The following CSMD1 variants were observed in gnomAD, a reference collection of about 807,000 sequenced individuals.
CSMD1 encodes CUB and Sushi multiple domains 1, also known as CUB and sushi domain-containing protein 1.
Under a neutral mutation model 417.5 loss-of-function variants are expected in CSMD1, and 213 were observed. That is an observed-to-expected ratio of 0.51 (90% CI 0.46 to 0.57). CSMD1 has a LOEUF of 0.57. Among genes scored for constraint, CSMD1 ranks in the 20% least tolerant of loss-of-function variants. The pLI, the probability that CSMD1 is intolerant of heterozygous loss-of-function variation, is 0.00. For missense variants in CSMD1, 6,923 were observed against 4,529.7 expected (o/e 1.53, Z -15.17); for synonymous variants, 2,862 against 1,736.8 (o/e 1.65, Z -16.11).
intron 5 of CSMD1, among the ~76,000 whole-genome samples, chr8:3,765,818 T>C (rs912303602): frequency 3.3e-5 from 5 of 152,074 alleles, no homozygotes; most frequent in Non-Finnish European, 5.9e-5. Flanking sequence ...GTCTCAGGAA[T>C]CCAGTGGGGA....
chr8:4,593,254 A>C (rs1013144799), intron 2 of CSMD1, among the ~76,000 whole-genome samples: 1 of 152,216 alleles, frequency 6.6e-6, no homozygotes, highest in African/African-American at 2.4e-5. Flanking sequence ...TTCCGCAGGA[A>C]CATGAGCGTT....
At chr8:4,274,906 G>T (rs1796389400) in intron 3 of CSMD1, among the ~76,000 whole-genome samples, 1 of 152,124 alleles carries the variant, frequency 6.6e-6, no homozygotes, top group African/African-American at 2.4e-5. Context: ...TATTCCAGAA[G>T]GAAATGTTGT....
intron 10 of CSMD1, among the ~76,000 whole-genome samples, chr8:3,564,996 C>T (rs1230172274): frequency 8.0e-6 from 1 of 125,314 alleles, no homozygotes; most frequent in Non-Finnish European, 1.7e-5. Flanking sequence ...GGCTTAATAC[C>T]TAGGTGATGG....
At chr8:4,903,174 C>T (rs1446881016) in intron 1 of CSMD1, among the ~76,000 whole-genome samples, 1 of 152,040 alleles carries the variant, frequency 6.6e-6, no homozygotes, top group Non-Finnish European at 1.5e-5. Flanking sequence ...TGCAATCTTC[C>T]CACAGGAACA....
intron 3 of CSMD1, among the ~76,000 whole-genome samples, chr8:4,404,252 G>A (rs894879655): frequency 6.6e-6 from 1 of 151,926 alleles, no homozygotes; most frequent in South Asian, 2.1e-4. Context: ...CTTGTGATAG[G>A]CTATATATTT....
intron 11 of CSMD1, among the ~76,000 whole-genome samples, chr8:3,480,561 A>T (rs1189018375): frequency 6.6e-6 from 1 of 152,172 alleles, no homozygotes; most frequent in Non-Finnish European, 1.5e-5. Flanking sequence ...TTGGCAAAAC[A>T]CGTGAATTTA....
intron 5 of CSMD1, among the ~76,000 whole-genome samples, chr8:3,782,303 A>G (rs1799225881): frequency 6.6e-6 from 1 of 152,184 alleles, no homozygotes; most frequent in African/African-American, 2.4e-5. Flanking sequence ...TTTCCATGCT[A>G]ACCATACTTG....
chr8:4,664,095 C>G (rs146142896), intron 1 of CSMD1, among the ~76,000 whole-genome samples: 4 of 152,204 alleles, frequency 2.6e-5, no homozygotes, highest in African/African-American at 9.6e-5. Context: ...ATCGTACAGC[C>G]TCATCAGAGT....
rs147909163 is a variant in CSMD1, at chr8:4,888,504, TGAGA to T, written c.85+105824_85+105827del. On this transcript the variant is annotated intron_variant, in intron 1 of 69. Transcript: ENST00000635120. ...ACATACAGAAGGATAGACTGATAGA[TGAGA>T]GAGAGAGAGAGAGAGAGAGAGGTAT... is the stretch of plus-strand genomic sequence containing the variant. Among the ~76,000 whole-genome samples, 741 of 145,144 alleles carry T rather than the reference TGAGA, an allele frequency of 5.1e-3. 2 individuals carry two copies. The highest frequency in any genetic ancestry group is 0.022 in the Middle Eastern group (6 of 278).
intron 12 of CSMD1, among the ~76,000 whole-genome samples, chr8:3,414,749 A>C (rs935069766): frequency 6.6e-6 from 1 of 151,994 alleles, no homozygotes; most frequent in Non-Finnish European, 1.5e-5. Context: ...GACTTGCTAC[A>C]ATTTCTTTTA....
chr8:4,682,039 G>A (rs945276917), intron 1 of CSMD1, among the ~76,000 whole-genome samples: 1 of 152,124 alleles, frequency 6.6e-6, no homozygotes, highest in Non-Finnish European at 1.5e-5. Context: ...GTTATTTTGA[G>A]ACAGGGTCTC....
intron 3 of CSMD1, among the ~76,000 whole-genome samples, chr8:4,384,622 T>G (rs1030630585): frequency 6.6e-6 from 1 of 151,962 alleles, no homozygotes; most frequent in Admixed American, 6.6e-5. Flanking sequence ...AATAGAAGAT[T>G]TTTTTTTGTT....
chr8:3,425,676 T>A (rs1300058614), intron 12 of CSMD1, among the ~76,000 whole-genome samples: 2 of 151,928 alleles, frequency 1.3e-5, no homozygotes, highest in South Asian at 4.2e-4. Flanking sequence ...TTTTCATTAC[T>A]CTTCTGTTGT....
intron 7 of CSMD1, 83 bp downstream of exon 7, chr8:3,708,331 G>T: frequency 9.1e-7 from 1 of 1,096,106 alleles, no homozygotes; most frequent in Non-Finnish European, 1.4e-6. Flanking sequence ...AAGGTGGTGG[G>T]TGGGATCGCT....
At chr8:4,955,687 C>T (rs567040822) in intron 1 of CSMD1, among the ~76,000 whole-genome samples, 1 of 149,160 alleles carries the variant, frequency 6.7e-6, no homozygotes, top group South Asian at 2.2e-4. Context: ...AACTCCTGAC[C>T]TCAGGTGATC....
intron 10 of CSMD1, among the ~76,000 whole-genome samples, chr8:3,555,354 G>C (rs544389925): frequency 3.3e-5 from 5 of 152,216 alleles, no homozygotes; most frequent in African/African-American, 9.6e-5. Context: ...GGTATTTCTG[G>C]TGTGGTCATT....
chr8:4,919,310 G>T (rs946385161), intron 1 of CSMD1, among the ~76,000 whole-genome samples: 2 of 152,162 alleles, frequency 1.3e-5, no homozygotes, highest in Non-Finnish European at 2.9e-5. Context: ...CCACGGGTTA[G>T]ATGTAAATGT....
chr8:4,875,740 T>C (rs920961179), intron 1 of CSMD1, among the ~76,000 whole-genome samples: 1 of 152,144 alleles, frequency 6.6e-6, no homozygotes, highest in Non-Finnish European at 1.5e-5. Context: ...TATATAGGTA[T>C]GCTCAAACAA....
rs180791390 is a variant in CSMD1 at position 4,528,257 on chromosome 8, C to T, written c.303-108192G>A. Among the ~76,000 whole-genome samples, 296 of 152,228 alleles carry T rather than the reference C, an allele frequency of 1.9e-3. 7 individuals carry two copies. In the East Asian group the frequency reaches 0.028, roughly 14 times the overall value. ...GACAATATCTAGACAGGAGTAGCCC[C>T]ACAAGTCCAATTAATCCCTACCTCT... On this transcript the variant is annotated intron_variant, in intron 2 of 69. Transcript: ENST00000635120.
Sources: gnomAD v4.1 joint callset for allele counts (sites outside exome capture counted in the v4.1 genomes callset) on GRCh38, gnomAD v4.1.1 for gene constraint, MANE v1.5 for transcripts, NCBI Gene and HGNC (gene_info 2026-07-23, HGNC 2026-07-21) for gene names.